The following CDK6 variants were observed in gnomAD, a reference collection of about 807,000 sequenced individuals.
CDK6 encodes the protein cyclin dependent kinase 6.
CDK6 carries 6 observed loss-of-function variants against 37.1 expected under a neutral mutation model. The ratio of observed to expected loss-of-function variants is 0.16; its 90% CI spans 0.09 to 0.32. CDK6 has a LOEUF of 0.32. Ranked by LOEUF, CDK6 falls within the 10% of genes least tolerant of loss-of-function variation. CDK6 has a pLI of 1.00. For missense variants in CDK6, 224 were observed against 418.9 expected (o/e 0.53, Z 4.06); for synonymous variants, 160 against 161.3 (o/e 0.99, Z 0.06).
chr7:92,663,374 A>G (rs1796879525), intron 5 of CDK6, among the ~76,000 whole-genome samples: 1 of 152,126 alleles, frequency 6.6e-6, no homozygotes, highest in African/African-American at 2.4e-5. Context: ...GAAAACAAAT[A>G]TATTTTTCAA....
intron 3 of CDK6, among the ~76,000 whole-genome samples, chr7:92,748,446 T>C (rs1029355260): frequency 1.1e-4 from 16 of 152,174 alleles, no homozygotes; most frequent in African/African-American, 2.9e-4. Flanking sequence ...CTATGATCAG[T>C]TGAAAAGCAC....
At chr7:92,650,184 A>G (rs1796541138) in intron 5 of CDK6, among the ~76,000 whole-genome samples, 1 of 152,164 alleles carries the variant, frequency 6.6e-6, no homozygotes, top group South Asian at 2.1e-4. Context: ...TCATCTCTAA[A>G]ATATTTTTCT....
chr7:92,790,417 G>C (rs867099148), intron 2 of CDK6, among the ~76,000 whole-genome samples: 2 of 152,044 alleles, frequency 1.3e-5, no homozygotes, highest in Non-Finnish European at 2.9e-5. Context: ...CCCTACTCTG[G>C]TCAGTGAGCC....
At chr7:92,759,935 A>C (rs1799413896) in intron 3 of CDK6, among the ~76,000 whole-genome samples, 1 of 152,122 alleles carries the variant, frequency 6.6e-6, no homozygotes, top group Non-Finnish European at 1.5e-5. Context: ...AGAAAAACTG[A>C]AAATGGAAAG....
chr7:92,815,786 G>A (rs1290774894), intron 2 of CDK6, among the ~76,000 whole-genome samples: 1 of 152,144 alleles, frequency 6.6e-6, no homozygotes, highest in Non-Finnish European at 1.5e-5. Context: ...TGAGTCCCTG[G>A]CTGAATATTA....
In CDK6 at chr7:92,615,059, C is replaced by T. The variant is rs2116475713; in HGVS notation, c.*81G>A. The T allele has an allele frequency of 6.8e-7, 1 of 1,466,242 alleles. No individual in the cohort carries two copies. The highest frequency in any genetic ancestry group is 9.4e-7 in the Non-Finnish European group (1 of 1,061,988). The allele number at this position is 1,466,242 out of a possible 1,614,324, so 90.8% of individuals were successfully genotyped here. A position where few individuals can be genotyped will look rare whatever the true frequency, so the allele number is the denominator to read the frequency against. ...GCCTCCAGATAGCAATCCTCCACAG[C>T]TCTGTAGGGCTTGCTGAGGGGGACC... is the stretch of plus-strand genomic sequence containing the variant. On this transcript the variant is annotated 3_prime_UTR_variant, in exon 8 of 8. Coordinates refer to ENST00000424848, the MANE Select transcript of CDK6 (RefSeq NM_001145306.2).
intron 4 of CDK6, among the ~76,000 whole-genome samples, chr7:92,695,488 C>T (rs1797695906): frequency 6.6e-6 from 1 of 152,162 alleles, no homozygotes. Flanking sequence ...GCATTCTACA[C>T]ATTCTTTTGA....
intron 2 of CDK6, among the ~76,000 whole-genome samples, chr7:92,790,632 T>C (rs966057726): frequency 6.6e-6 from 1 of 152,180 alleles, no homozygotes; most frequent in South Asian, 2.1e-4. Flanking sequence ...GAGGTATGTA[T>C]GTCTGCGGTA....
At chr7:92,652,016 TAGGG>T (rs1796586466) in intron 5 of CDK6, among the ~76,000 whole-genome samples, 1 of 152,256 alleles carries the variant, frequency 6.6e-6, no homozygotes, top group African/African-American at 2.4e-5. Context: ...CGCTCACTTA[TAGGG>T]AGGAACACTA....
chr7:92,742,567 A>T (rs1798949478), intron 3 of CDK6, among the ~76,000 whole-genome samples: 1 of 152,170 alleles, frequency 6.6e-6, no homozygotes, highest in South Asian at 2.1e-4. Flanking sequence ...AGAGGAATAC[A>T]GTTTTTACAC....
chr7:92,700,073 A>AT (rs1797808739), intron 4 of CDK6, among the ~76,000 whole-genome samples: 1 of 152,146 alleles, frequency 6.6e-6, no homozygotes, highest in Admixed American at 6.6e-5. Context: ...GGGGTGCAGG[A>AT]TAGGGGTATC....
At chr7:92,635,618 A>G (rs1442037702) in intron 5 of CDK6, among the ~76,000 whole-genome samples, 1 of 152,152 alleles carries the variant, frequency 6.6e-6, no homozygotes, top group Non-Finnish European at 1.5e-5. Context: ...ACTCGTTCCA[A>G]AGTTATTTAT....
At chr7:92,620,646 G>A (rs1448966396) in intron 6 of CDK6, among the ~76,000 whole-genome samples, 1 of 152,148 alleles carries the variant, frequency 6.6e-6, no homozygotes, top group Non-Finnish European at 1.5e-5. Flanking sequence ...CAGGTGGGGT[G>A]GCTGTAATCC....
rs181781157 is a variant in CDK6 at position 92,776,021 on chromosome 7, C to T, written c.234-1190G>A. Reference sequence around the variant, plus strand: ...TGGTTTGCTGCACCCTTCAACCCATCATCTACATTAGGTATTTCTCCTAAT... The same window carrying T: ...TGGTTTGCTGCACCCTTCAACCCATTATCTACATTAGGTATTTCTCCTAAT... On this transcript the variant is annotated intron_variant, in intron 2 of 7. Coordinates refer to ENST00000424848, the MANE Select transcript of CDK6 (RefSeq NM_001145306.2). Among the ~76,000 whole-genome samples the T allele has an allele frequency of 4.0e-3, 610 of 152,168 alleles. 1 individual carries two copies. Among genetic ancestry groups the T allele is most frequent in the Non-Finnish European group, 5.7e-3 (389 of 68,002 alleles).
intron 4 of CDK6, among the ~76,000 whole-genome samples, chr7:92,713,875 G>A (rs1798159675): frequency 6.6e-6 from 1 of 152,168 alleles, no homozygotes; most frequent in Non-Finnish European, 1.5e-5. Flanking sequence ...CAAGATGGAT[G>A]CAGATACAAA....
At chr7:92,812,479 G>A (rs3731275) in intron 2 of CDK6, among the ~76,000 whole-genome samples, 1 of 151,134 alleles carries the variant, frequency 6.6e-6, no homozygotes, top group African/African-American at 2.4e-5. Context: ...GTCAAGTGGT[G>A]TGATCATGGC....
In CDK6 at chr7:92,725,748, G is replaced by C. The variant is rs2116710310; in HGVS notation, c.415C>G (p.His139Asp). 6.2e-7 allele frequency: 1 copy of C among 1,614,006 alleles called. No individual in the cohort carries two copies. The highest frequency in any genetic ancestry group is 8.5e-7 in the Non-Finnish European group (1 of 1,179,898). The change falls in exon 4 of 8, where the codon CAC becomes GAC. Residue 139 changes from histidine (H) to aspartate (D), a missense_variant. Around this residue, in one of 5 missense-constraint regions of CDK6, gnomAD observed 82 missense variants for 202.1 expected, o/e 0.41. Coordinates refer to ENST00000424848, the MANE Select transcript of CDK6 (RefSeq NM_001145306.2). ...LLRGLDFLHS[H>D]RVVHRDLKPQ... ...TTTAGATCGCGATGCACTACTCGGT[G>C]TGAATGAAGAAAGTCCAGACCTCGG... is the stretch of plus-strand genomic sequence containing the variant.
intron 4 of CDK6, among the ~76,000 whole-genome samples, chr7:92,692,702 C>T (rs1338014994): frequency 6.6e-6 from 1 of 151,886 alleles, no homozygotes; most frequent in Non-Finnish European, 1.5e-5. Context: ...GGAAAATCAC[C>T]TGAGCCTGTG....
chr7:92,809,012 C>T (rs909621114), intron 2 of CDK6, among the ~76,000 whole-genome samples: 1 of 152,120 alleles, frequency 6.6e-6, no homozygotes, highest in South Asian at 2.1e-4. Flanking sequence ...CACATAAACA[C>T]ATTTAACAAT....
Sources: allele counts gnomAD v4.1 joint callset (sites outside exome capture counted in the v4.1 genomes callset), GRCh38; gene constraint gnomAD v4.1.1; regional missense constraint gnomAD v4.1.1; transcripts MANE v1.5; gene names NCBI Gene and HGNC (gene_info 2026-07-23, HGNC 2026-07-21).